COL11A1: variants seen among roughly 807,000 people sequenced by gnomAD.
The protein encoded by COL11A1 is collagen alpha-1(XI) chain.
Under a neutral mutation model 265.2 loss-of-function variants are expected in COL11A1, and 74 were observed. That is an observed-to-expected ratio of 0.28 (90% confidence interval 0.23 to 0.34). The LOEUF (loss-of-function observed/expected upper bound fraction) is 0.34. Among genes scored for constraint, COL11A1 ranks in the 10% least tolerant of loss-of-function variants. COL11A1 has a pLI of 1.00. For missense variants in COL11A1, 2,165 were observed against 2,263.6 expected (o/e 0.96, Z 0.88); for synonymous variants, 816 against 727.6 (o/e 1.12, Z -1.96).
rs150976349 is a variant in COL11A1 at position 102,946,931 on chromosome 1, G to C, written c.3194C>G (p.Ala1065Gly). 1.2e-6 allele frequency: 2 copies of C among 1,612,864 alleles called. No individual in the cohort carries two copies. The highest frequency in any genetic ancestry group is 2.7e-5 in the African/African-American group (2 of 75,032). The change falls in exon 42 of 67, where the codon GCA (alanine) becomes GGA (glycine). Residue 1065 changes from alanine (A) to glycine (G), a missense_variant. Physicochemically the swap from Ala to Gly is moderately conservative, Grantham distance 60. Transcript: ENST00000370096. ...PVGSPGERGSAGTAGPIGLPG... is the reference protein window; with the variant it reads ...PVGSPGERGSGGTAGPIGLPG... ...TAAACCAATTGGGCCAGCTGTACCT[G>C]CTGACCCACGTTCTCCTGGTGAGCC...
chr1:103,102,306 T>C (rs1013824370), intron 1 of COL11A1, among the ~76,000 whole-genome samples: 4 of 152,086 alleles, frequency 2.6e-5, no homozygotes, highest in Non-Finnish European at 5.9e-5. Context: ...ATGTAGAAAG[T>C]GCGTTAGTGT....
intron 9 of COL11A1, among the ~76,000 whole-genome samples, chr1:103,021,176 G>A (rs1012542573): frequency 4.6e-5 from 7 of 150,990 alleles, no homozygotes; most frequent in Admixed American, 4.6e-4. Context: ...AATATTATTA[G>A]TAATAATATT....
chr1:102,975,037 G>C (rs574313517), intron 35 of COL11A1, among the ~76,000 whole-genome samples, 154 bp from the exon 36 acceptor site: 1 of 152,148 alleles, frequency 6.6e-6, no homozygotes, highest in African/African-American at 2.4e-5. Flanking sequence ...GATAGTAAGT[G>C]CTAATCTAAA....
At chr1:103,089,243 G>T (rs1478582743) in intron 1 of COL11A1, among the ~76,000 whole-genome samples, 1 of 152,124 alleles carries the variant, frequency 6.6e-6, no homozygotes, top group African/African-American at 2.4e-5. Flanking sequence ...TGCAGCCAGG[G>T]TTGAAACTCG....
At chr1:103,069,887 GAA>G (rs1032446464) in intron 4 of COL11A1, among the ~76,000 whole-genome samples, 11 of 151,968 alleles carry the variant, frequency 7.2e-5, no homozygotes, top group Non-Finnish European at 7.4e-5. Flanking sequence ...TGCCTAAAAT[GAA>G]AAAGACTGAG....
At chr1:102,878,503 T>TATATATATATATATATATATATATA (rs1553191037) in intron 66 of COL11A1, among the ~76,000 whole-genome samples, 10 of 127,424 alleles carry the variant, frequency 7.8e-5, no homozygotes, top group Non-Finnish European at 1.3e-4. Flanking sequence ...TATATATATA[T>TATATATATATATATATATATATATA]TCTTTTTCTT....
At chr1:102,927,329 C>G (rs1425047738) in intron 46 of COL11A1, among the ~76,000 whole-genome samples, 3 of 152,004 alleles carry the variant, frequency 2.0e-5, no homozygotes, top group African/African-American at 7.2e-5. Flanking sequence ...CCGTGGATCA[C>G]TAGGAAGAGA....
At position 103,074,548 on chromosome 1, in the gene COL11A1, T is replaced by C. The variant is rs1293850290; in HGVS notation, c.651+70A>G. 5.8e-6 allele frequency: 9 copies of C among 1,559,980 alleles called. No homozygotes were observed. In the East Asian group the frequency reaches 1.3e-4, roughly 23 times the overall value. ...TTTATAACGTATTGCTATAAAGCGA[T>C]ATTTTTACTGTTGTTAACCCAGTTC... is the stretch of plus-strand genomic sequence containing the variant. On this transcript the variant is annotated intron_variant, in intron 4 of 66. Transcript: ENST00000370096.
At chr1:102,996,558 C>A (rs948629677) in intron 26 of COL11A1, among the ~76,000 whole-genome samples, 1 of 151,630 alleles carries the variant, frequency 6.6e-6, no homozygotes, top group Non-Finnish European at 1.5e-5. Flanking sequence ...TTATAATTTC[C>A]TCAGTAATGC....
rs1485301806 is a variant in COL11A1, at chr1:102,876,948, A to G, written c.*1071T>C. On this transcript the variant is annotated 3_prime_UTR_variant, in exon 67 of 67. Transcript: ENST00000370096. ...TAATATTTGTTGGGCAAGTAAAATAATTTTCGAGACTGTTATAATATGCAA... is the reference window on the plus strand; with the variant it reads ...TAATATTTGTTGGGCAAGTAAAATAGTTTTCGAGACTGTTATAATATGCAA... 6.6e-6 allele frequency: 1 copy of G among 152,512 alleles called. No homozygotes were observed. Among genetic ancestry groups the G allele is most frequent in the African/African-American group, 2.4e-5 (1 of 41,456 alleles). 9.4% of individuals were successfully genotyped at this position (152,512 alleles called of 1,614,324 possible).
intron 54 of COL11A1, among the ~76,000 whole-genome samples, chr1:102,906,813 T>C (rs1654039052): frequency 6.6e-6 from 1 of 152,126 alleles, no homozygotes. Context: ...GGCTGTAAAT[T>C]AATGGTGCAA....
intron 4 of COL11A1, among the ~76,000 whole-genome samples, chr1:103,066,088 T>C (rs1558017711): frequency 6.6e-6 from 1 of 152,060 alleles, no homozygotes; most frequent in African/African-American, 2.4e-5. Context: ...CATTCTCACA[T>C]ATAAGAAAAC....
At chr1:102,986,736 C>T (rs1168785557) in intron 30 of COL11A1, among the ~76,000 whole-genome samples, 1 of 152,036 alleles carries the variant, frequency 6.6e-6, no homozygotes, top group Non-Finnish European at 1.5e-5. Flanking sequence ...TACATTATAA[C>T]ATGAAGTCAA....
At chr1:103,073,776 C>G (rs1033527936) in intron 4 of COL11A1, among the ~76,000 whole-genome samples, 1 of 151,892 alleles carries the variant, frequency 6.6e-6, no homozygotes, top group Non-Finnish European at 1.5e-5. Context: ...AAAATACATA[C>G]TGTCTGTATG....
intron 41 of COL11A1, 71 bp downstream of exon 41, chr1:102,961,795 A>G: frequency 7.4e-7 from 1 of 1,357,532 alleles, no homozygotes; most frequent in East Asian, 2.3e-5. Flanking sequence ...GAATCACAGC[A>G]TGAGAGTAAT....
intron 42 of COL11A1, among the ~76,000 whole-genome samples, chr1:102,945,604 A>C (rs932622881): frequency 3.3e-5 from 5 of 152,214 alleles, no homozygotes; most frequent in Non-Finnish European, 7.4e-5. Flanking sequence ...ATCAATACTT[A>C]CCAGTATACA....
At chr1:103,073,376 T>A in intron 4 of COL11A1, among the ~76,000 whole-genome samples, 1 of 151,840 alleles carries the variant, frequency 6.6e-6, no homozygotes, top group Non-Finnish European at 1.5e-5. Flanking sequence ...TAGTTTTATT[T>A]TTAAAATAAT....
chr1:102,944,647 A>C (rs1440462709), intron 42 of COL11A1, among the ~76,000 whole-genome samples: 1 of 152,104 alleles, frequency 6.6e-6, no homozygotes. Context: ...ATCGGTTTCA[A>C]TGTTTTTTGA....
At chr1:102,937,584 G>A (rs545239137) in intron 44 of COL11A1, among the ~76,000 whole-genome samples, 2 of 152,060 alleles carry the variant, frequency 1.3e-5, no homozygotes, top group African/African-American at 4.8e-5. Flanking sequence ...AGATTGAATT[G>A]TTTCTTGAAG....
Sources: gnomAD v4.1 joint callset for allele counts (sites outside exome capture counted in the v4.1 genomes callset) on GRCh38, gnomAD v4.1.1 for gene constraint, MANE v1.5 for transcripts, NCBI Gene and HGNC (gene_info 2026-07-23, HGNC 2026-07-21) for gene names.